Variants in RIMS1 observed in about 807,000 individuals in gnomAD.
The protein encoded by RIMS1 is regulating synaptic membrane exocytosis protein 1.
Under a neutral mutation model 214.1 loss-of-function variants are expected in RIMS1, and 83 were observed. That is an observed-to-expected ratio of 0.39 (90% confidence interval 0.32 to 0.47). RIMS1 has a LOEUF of 0.47. Among genes scored for constraint, RIMS1 ranks in the 20% least tolerant of loss-of-function variants. The pLI is 0.99. For missense variants in RIMS1, 2,050 were observed against 2,161.8 expected (o/e 0.95, Z 1.03); for synonymous variants, 793 against 786.8 (o/e 1.01, Z -0.13).
intron 2 of RIMS1, among the ~76,000 whole-genome samples, chr6:72,030,895 A>G (rs942747423): frequency 2.0e-5 from 3 of 152,158 alleles, no homozygotes; most frequent in African/African-American, 7.2e-5. Context: ...GTTAGGAAAG[A>G]CGGCACACAA....
chr6:71,916,716 T>TA (rs1208984554), intron 1 of RIMS1, among the ~76,000 whole-genome samples: 2 of 152,154 alleles, frequency 1.3e-5, no homozygotes, highest in East Asian at 3.8e-4. Context: ...GCTCAGTTAG[T>TA]AAATTTTATC....
intron 6 of RIMS1, among the ~76,000 whole-genome samples, chr6:72,194,084 T>C (rs2050488707): frequency 6.6e-6 from 1 of 152,022 alleles, no homozygotes; most frequent in South Asian, 2.1e-4. Flanking sequence ...ACCGATGAAA[T>C]AAATAGATGA....
intron 4 of RIMS1, among the ~76,000 whole-genome samples, chr6:72,168,964 T>C (rs1169871658): frequency 6.6e-6 from 1 of 152,160 alleles, no homozygotes. Flanking sequence ...GGTGTTACTG[T>C]TAACTAAAAC....
chr6:71,995,445 A>G (rs1803085671), intron 2 of RIMS1, among the ~76,000 whole-genome samples: 1 of 129,196 alleles, frequency 7.7e-6, no homozygotes, highest in Non-Finnish European at 1.6e-5. Flanking sequence ...TTAATCTGTA[A>G]TATGACGTGT....
At chr6:71,918,261 G>A (rs1257860280) in intron 1 of RIMS1, among the ~76,000 whole-genome samples, 1 of 152,036 alleles carries the variant, frequency 6.6e-6, no homozygotes, top group Non-Finnish European at 1.5e-5. Context: ...ATAGAGAGAG[G>A]TGATCAATGA....
chr6:72,020,892 C>G (rs754995614), intron 2 of RIMS1, among the ~76,000 whole-genome samples: 1 of 152,028 alleles, frequency 6.6e-6, no homozygotes. Context: ...GAAACTAAAC[C>G]CTGTTAGAAT....
chr6:72,251,049 A>T lies in RIMS1; in HGVS notation c.2501A>T (p.Asp834Val). ...CGAATGTTAGAAATAACTGTGTGGG[A>T]CCAACCAAGAGTGCAAGAAGAAGAA... ...RERMLEITVWDQPRVQEEESE... is the reference protein window; with the variant it reads ...RERMLEITVWVQPRVQEEESE... The change falls in exon 14 of 34, where the codon GAC (aspartate) becomes GTC (valine). Residue 834 changes from aspartate to valine, a missense_variant. By Grantham distance (152) the Asp-to-Val change is radical (BLOSUM62 -3). Coordinates refer to ENST00000521978, the MANE Select transcript of RIMS1 (RefSeq NM_014989.7). 1 of 1,585,570 alleles carries T rather than the reference A, an allele frequency of 6.3e-7. No homozygotes were observed. The highest frequency in any genetic ancestry group is 8.6e-7 in the Non-Finnish European group (1 of 1,164,746).
intron 29 of RIMS1, among the ~76,000 whole-genome samples, chr6:72,351,245 C>A (rs2097436801): frequency 6.6e-6 from 1 of 151,914 alleles, no homozygotes; most frequent in Non-Finnish European, 1.5e-5. Flanking sequence ...TTTGTTCCCA[C>A]CATTAAATTT....
At chr6:71,921,048 G>T (rs1248068011) in intron 1 of RIMS1, among the ~76,000 whole-genome samples, 1 of 152,178 alleles carries the variant, frequency 6.6e-6, no homozygotes, top group Non-Finnish European at 1.5e-5. Flanking sequence ...TGCAGCGGAG[G>T]CAGACATGCC....
At position 72,179,888 on chromosome 6, in the gene RIMS1, G is replaced by A; in HGVS notation, c.785G>A (p.Arg262Lys). Residue 262 changes from arginine to lysine, a missense_variant, in exon 5 of 34, where the codon AGG (arginine) becomes AAG (lysine). Physicochemically the swap from Arg to Lys is conservative, Grantham distance 26 (BLOSUM62 2). Around this residue, in one of 6 missense-constraint regions of RIMS1, gnomAD observed 882 missense variants for 828.9 expected, o/e 1.06. Coordinates refer to ENST00000521978, the MANE Select transcript of RIMS1 (RefSeq NM_014989.7). Reference sequence around the variant, plus strand: ...CCTGAACAGAAGCAGGCTTCATCCAGGTCTAGAAGTGAACCTCCTAGAGAG... The same window carrying A: ...CCTGAACAGAAGCAGGCTTCATCCAAGTCTAGAAGTGAACCTCCTAGAGAG... The part of the protein sequence containing the change: ...LGPEQKQASS[R>K]SRSEPPRERK... 6.4e-7 allele frequency: 1 copy of A among 1,551,606 alleles called. No homozygotes were observed. The highest frequency in any genetic ancestry group is 8.7e-7 in the Non-Finnish European group (1 of 1,150,908).
chr6:71,959,086 A>G (rs997260343), intron 1 of RIMS1, among the ~76,000 whole-genome samples: 11 of 152,134 alleles, frequency 7.2e-5, no homozygotes, highest in Non-Finnish European at 1.2e-4. Context: ...TCTTGACAAA[A>G]TAAAGAAATA....
intron 29 of RIMS1, among the ~76,000 whole-genome samples, chr6:72,382,449 T>G (rs897456567): frequency 6.6e-6 from 1 of 152,230 alleles, no homozygotes; most frequent in Non-Finnish European, 1.5e-5. Context: ...TATTTTCTTT[T>G]AAATAATAAT....
intron 4 of RIMS1, among the ~76,000 whole-genome samples, chr6:72,148,880 C>G (rs2043118102): frequency 6.6e-6 from 1 of 151,982 alleles, no homozygotes; most frequent in Non-Finnish European, 1.5e-5. Flanking sequence ...TGTTGCTTCC[C>G]TATCATAAGC....
At position 72,284,109 on chromosome 6, in the gene RIMS1, A is replaced by T; in HGVS notation, c.3545A>T (p.Asp1182Val). The T allele has an allele frequency of 6.2e-7, 1 of 1,613,072 alleles. No homozygotes were observed. Among genetic ancestry groups the T allele is most frequent in the African/African-American group, 1.3e-5 (1 of 75,022 alleles). The change falls in exon 24 of 34, where the codon GAT becomes GTT. Residue 1182 changes from aspartate to valine, a missense_variant. This residue lies in a region of RIMS1 where 889 missense variants were observed against 885.5 expected (regional missense o/e 1.00). Coordinates refer to ENST00000521978, the MANE Select transcript of RIMS1 (RefSeq NM_014989.7). ...QKQTRKGTASDAERVLPTCLS... is the reference protein window; with the variant it reads ...QKQTRKGTASVAERVLPTCLS... ...CAGACTAGGAAAGGCACTGCCTCTG[A>T]TGCAGAAAGGTAGGCTTGGTGTTGT...
chr6:72,331,997 C>T (rs2096675732), intron 28 of RIMS1, among the ~76,000 whole-genome samples: 1 of 151,892 alleles, frequency 6.6e-6, no homozygotes, highest in Middle Eastern at 3.4e-3. Context: ...AGCTTATAAA[C>T]TCTCCTTGCT....
At position 72,096,902 on chromosome 6, in the gene RIMS1, G is replaced by T. The variant is rs764076326; in HGVS notation, c.246-47G>T. On this transcript the variant is annotated intron_variant, in intron 2 of 33. Coordinates refer to ENST00000521978, the MANE Select transcript of RIMS1 (RefSeq NM_014989.7). ...CCTTGTTTTGTTTGTTCTTGGTTTT[G>T]TCTTCCACTATTTACTTAGTTTGCT... 1.0e-5 allele frequency: 15 copies of T among 1,469,002 alleles called. No individual in the cohort carries two copies. In the African/African-American group the frequency reaches 1.9e-4, roughly 19 times the overall value. The allele number at this position is 1,469,002 out of a possible 1,614,324, so 91.0% of individuals were successfully genotyped here.
At position 72,274,324 on chromosome 6, in the gene RIMS1, C is replaced by T. The variant is rs1171018885; in HGVS notation, c.3399-25C>T. On this transcript the variant is annotated intron_variant, in intron 22 of 33. Coordinates refer to ENST00000521978, the MANE Select transcript of RIMS1 (RefSeq NM_014989.7). ...GGAGTTACTAAATGTCCTGTTTTTT[C>T]CTGTCTTGTTCACTGGGCAAACAGG... The T allele has an allele frequency of 4.5e-6, 7 of 1,548,994 alleles. No individual in the cohort carries two copies. In the Admixed American group the frequency reaches 6.8e-5, roughly 15 times the overall value.
At chr6:72,261,154 A>T (rs2077807302) in intron 19 of RIMS1, 7 of 1,031,354 alleles carry the variant, frequency 6.8e-6, no homozygotes, top group Non-Finnish European at 8.2e-6. Context: ...TCATTGTTTC[A>T]TAATTGTAAG....
Position 72,274,364 on chromosome 6 carries a change from C to A in RIMS1, c.3414C>A (p.Pro1138=), listed in dbSNP as rs563786169. 9.3e-6 allele frequency: 15 copies of A among 1,611,716 alleles called. No individual in the cohort carries two copies. The highest frequency in any genetic ancestry group is 1.7e-4 in the Middle Eastern group (1 of 5,934). The change falls in exon 23 of 34, where the codon CCC becomes CCA. Residue 1138 remains proline (P), a synonymous_variant. Transcript: ENST00000521978. The stretch of plus-strand genomic sequence containing the variant: ...GGGCAAACAGGGGTAGATGGTCCCC[C>A]TCCCTAGATAGGAGACGACCTCCTA... ...SPERERGRWS[P]SLDRRRPPSP...
Sources: gnomAD v4.1 joint callset for allele counts (sites outside exome capture counted in the v4.1 genomes callset) on GRCh38, gnomAD v4.1.1 for gene constraint, gnomAD v4.1.1 regional missense constraint, MANE v1.5 for transcripts, NCBI Gene and HGNC (gene_info 2026-07-23, HGNC 2026-07-21) for gene names.